MLST8: variants seen among roughly 807,000 people sequenced by gnomAD.
MLST8 encodes the protein MTOR associated protein MLST8.
A neutral mutation model predicts 41.3 loss-of-function variants in MLST8; 20 were observed. That is an observed-to-expected ratio of 0.48 (90% confidence interval 0.34 to 0.70). The LOEUF (loss-of-function observed/expected upper bound fraction) is 0.70, where lower values mean the gene tolerates loss of function less well. Among genes scored for constraint, MLST8 ranks in the 30% least tolerant of loss-of-function variants. The pLI is 0.01. For missense variants in MLST8, 422 were observed against 454.3 expected (o/e 0.93, Z 0.65); for synonymous variants, 243 against 183.0 (o/e 1.33, Z -2.65).
rs2093295570 is a variant in MLST8, at chr16:2,206,634, T to C, written c.319T>C (p.Cys107Arg). The change falls in exon 4 of 9, where the codon TGC (cysteine) becomes CGC (arginine). Residue 107 changes from cysteine (C) to arginine (R), a missense_variant. Physicochemically the swap from Cys to Arg is radical, Grantham distance 180. Transcript: ENST00000569417. ...CTGGATGTACACGGGCGGCGAGGAC[T>C]GCACAGCCAGGATCTGGGACCTCAG... is the stretch of plus-strand genomic sequence containing the variant. The part of the protein sequence containing the change: ...GRWMYTGGED[C>R]TARIWDLRSR... 6.2e-7 allele frequency: 1 copy of C among 1,608,722 alleles called. No individual in the cohort carries two copies. Among genetic ancestry groups the C allele is most frequent in the Non-Finnish European group, 8.5e-7 (1 of 1,177,846 alleles).
At chr16:2,205,553 G>A in intron 1 of MLST8, 41 bp downstream of exon 1, 1 of 471,900 alleles carries the variant, frequency 2.1e-6, no homozygotes. Context: ...CCGGCTGCTG[G>A]GTGGCTGGGA....
intron 4 of MLST8, 34 bp downstream of exon 4, chr16:2,206,693 G>C: frequency 6.2e-7 from 1 of 1,604,804 alleles, no homozygotes; most frequent in Non-Finnish European, 8.5e-7. Context: ...GCCCGGGGCT[G>C]GGGTGGGCTG....
Position 2,207,184 on chromosome 16 carries a change from G to T in MLST8, c.421-9G>T. ...GCTTGGGCCCTGCCTCACCACCCCT[G>T]CACCCCAGGCAGAGCTCATCGTGGG... On this transcript the variant is annotated splice_polypyrimidine_tract_variant and intron_variant, in intron 5 of 8. Transcript: ENST00000569417. 1 of 1,613,526 alleles carries T rather than the reference G, an allele frequency of 6.2e-7. No individual in the cohort carries two copies. The highest frequency in any genetic ancestry group is 8.5e-7 in the Non-Finnish European group (1 of 1,179,554).
Position 2,208,771 on chromosome 16 carries a change from A to T in MLST8, c.875A>T (p.Asn292Ile). ...TCTCCCCCTCCAGCTTCCTCGGACAACCTGGCCCGGCTCTGGTGTGTGGAG... is the reference window on the plus strand; with the variant it reads ...TCTCCCCCTCCAGCTTCCTCGGACATCCTGGCCCGGCTCTGGTGTGTGGAG... Reference protein sequence around the residue: ...SQYIVTASSDNLARLWCVETG... With the variant: ...SQYIVTASSDILARLWCVETG... Residue 292 changes from asparagine to isoleucine, a missense_variant, in exon 9 of 9, where the codon AAC (asparagine) becomes ATC (isoleucine). Transcript: ENST00000569417. The T allele has an allele frequency of 1.2e-6, 2 of 1,613,820 alleles. No individual in the cohort carries two copies. Among genetic ancestry groups the T allele is most frequent in the Non-Finnish European group, 1.7e-6 (2 of 1,179,874 alleles).
chr16:2,209,388 C>G lies in MLST8; in HGVS notation c.*511C>G. The G allele has an allele frequency of 6.2e-7, 1 of 1,613,650 alleles. No individual in the cohort carries two copies. On this transcript the variant is annotated 3_prime_UTR_variant, in exon 9 of 9. Coordinates refer to ENST00000569417, the MANE Select transcript of MLST8 (RefSeq NM_022372.6). ...CAGTCTGGGAGGTAATAAAAGCAGA[C>G]CGACACGCAGATGTTGCTCGGGAAG... is the stretch of plus-strand genomic sequence containing the variant.
chr16:2,208,642 C>G lies in MLST8; in HGVS notation c.862+29C>G, dbSNP rs201709912. 29 of 1,611,968 alleles carry G rather than the reference C, an allele frequency of 1.8e-5. No homozygotes were observed. In the Admixed American group the frequency reaches 1.8e-4, roughly 10 times the overall value. ...AGCCCCGCCCTGGCCTCCCCCATCC[C>G]TGGCCCCCGGCGCTGGCCTCCAGAG... On this transcript the variant is annotated intron_variant, in intron 8 of 8. Transcript: ENST00000569417.
rs1386821832 is a variant in MLST8, at chr16:2,207,209, G to C, written c.437G>C (p.Gly146Ala). The change falls in exon 6 of 9, where the codon GGT becomes GCT. Residue 146 changes from glycine (G) to alanine (A), a missense_variant. Coordinates refer to ENST00000569417, the MANE Select transcript of MLST8 (RefSeq NM_022372.6). ...GCACCCCAGGCAGAGCTCATCGTGGGTGACCAGAGCGGGGCTATCCACATC... is the reference window on the plus strand; with the variant it reads ...GCACCCCAGGCAGAGCTCATCGTGGCTGACCAGAGCGGGGCTATCCACATC... ...LHPNQAELIV[G>A]DQSGAIHIWD... 1 of 1,613,976 alleles carries C rather than the reference G, an allele frequency of 6.2e-7. No individual in the cohort carries two copies. Among genetic ancestry groups the C allele is most frequent in the Non-Finnish European group, 8.5e-7 (1 of 1,179,978 alleles).
At position 2,206,581 on chromosome 16, in the gene MLST8, C is replaced by A. The variant is rs202049268; in HGVS notation, c.266C>A (p.Ala89Glu). 3.7e-6 allele frequency: 6 copies of A among 1,614,034 alleles called. No homozygotes were observed. The highest frequency in any genetic ancestry group is 1.7e-5 in the Admixed American group (1 of 60,006). Reference protein sequence around the residue: ...ISYDGVNKNIASVGFHEDGRW... With the variant: ...ISYDGVNKNIESVGFHEDGRW... ...TACGACGGCGTCAACAAGAACATCG[C>A]GTCTGTGGGCTTCCACGAAGACGGC... The change falls in exon 4 of 9, where the codon GCG becomes GAG. Residue 89 changes from alanine (A) to glutamate (E), a missense_variant. Coordinates refer to ENST00000569417, the MANE Select transcript of MLST8 (RefSeq NM_022372.6).
rs1179434497 is a variant in MLST8, at chr16:2,208,168, C to T, written c.574-42C>T. ...GGGCATCCTTCCCTGTGTCTCAGAC[C>T]TGAGGCCTTGGGCCCTCCGTGACGG... is the stretch of plus-strand genomic sequence containing the variant. On this transcript the variant is annotated intron_variant, in intron 6 of 8. Transcript: ENST00000569417. 2.6e-6 allele frequency: 4 copies of T among 1,566,848 alleles called. No homozygotes were observed. The South Asian group carries it at 4.7e-5, about 18-fold the overall frequency.
chr16:2,209,184 C>T lies in MLST8; in HGVS notation c.*307C>T. The T allele has an allele frequency of 1.5e-6, 1 of 681,378 alleles. No homozygotes were observed. The highest frequency in any genetic ancestry group is 2.4e-6 in the Non-Finnish European group (1 of 408,430). 42.2% of individuals were successfully genotyped at this position (681,378 alleles called of 1,614,324 possible). A position where few individuals can be genotyped will look rare whatever the true frequency, so the allele number is the denominator to read the frequency against. ...TCTGAGGCTGGTGCCCACCCCCAAG[C>T]TAGTGTGTTCTCTGCCCCTCCCTGC... On this transcript the variant is annotated 3_prime_UTR_variant, in exon 9 of 9. Transcript: ENST00000569417.
intron 1 of MLST8, 139 bp from the exon 2 acceptor site, chr16:2,205,892 G>C (rs1486695882): frequency 7.2e-7 from 1 of 1,398,312 alleles, no homozygotes; most frequent in South Asian, 1.6e-5. Context: ...CGCGTGTGAC[G>C]CGTGTCCCTG....
At chr16:2,206,794 A>G in intron 4 of MLST8, 135 bp downstream of exon 4, 3 of 1,116,212 alleles carry the variant, frequency 2.7e-6, no homozygotes, top group Non-Finnish European at 4.0e-6. Flanking sequence ...AAGTGAGGAC[A>G]GGAGGAGAGT....
At chr16:2,206,303 C>CT in intron 2 of MLST8, 55 bp from the exon 3 acceptor site, 1 of 1,609,918 alleles carries the variant, frequency 6.2e-7, no homozygotes, top group South Asian at 1.1e-5. Context: ...TGGTGGAGGC[C>CT]TGGGGGGCCC....
In MLST8 at chr16:2,205,658, C is replaced by A. The variant is rs1156703250; in HGVS notation, c.-56+146C>A. 5.1e-6 allele frequency: 5 copies of A among 986,804 alleles called. No homozygotes were observed. The African/African-American group carries it at 8.7e-5, about 17-fold the overall frequency. The allele number at this position is 986,804 out of a possible 1,614,324, so 61.1% of individuals were successfully genotyped here. A position where few individuals can be genotyped will look rare whatever the true frequency, so the allele number is the denominator to read the frequency against. On this transcript the variant is annotated intron_variant, in intron 1 of 8. Coordinates refer to ENST00000569417, the MANE Select transcript of MLST8 (RefSeq NM_022372.6). ...GGGTCCAGCCAGACTGCGCCCTTTCCCATCAGGGCCTGCCGCTGGCCTGCT... is the reference window on the plus strand; with the variant it reads ...GGGTCCAGCCAGACTGCGCCCTTTCACATCAGGGCCTGCCGCTGGCCTGCT...
At chr16:2,206,816 G>T in intron 4 of MLST8, 157 bp downstream of exon 4, 1 of 1,032,624 alleles carries the variant, frequency 9.7e-7, no homozygotes, top group Non-Finnish European at 1.5e-6. Context: ...AATTGCATCA[G>T]AGCGCGAGTC....
rs888298458 is a variant in MLST8 at position 2,206,247 on chromosome 16, T to TG, written c.129+39dup. 10 of 1,600,186 alleles carry TG rather than the reference T, an allele frequency of 6.2e-6. No homozygotes were observed. The African/African-American group carries it at 1.1e-4, about 17-fold the overall frequency. ...CCACCCGGGGCGGGCAGGGCGGCGC[T>TG]GGGGGGATGCCTCGTGTGGGGACCA... On this transcript the variant is annotated intron_variant, in intron 2 of 8. Transcript: ENST00000569417.
rs747563856 is a variant in MLST8 at position 2,206,766 on chromosome 16, T to C, written c.344+107T>C. 31 of 1,324,726 alleles carry C rather than the reference T, an allele frequency of 2.3e-5. No individual in the cohort carries two copies. The African/African-American group carries it at 4.2e-4, about 18-fold the overall frequency. The allele number at this position is 1,324,726 out of a possible 1,614,324, so 82.1% of individuals were successfully genotyped here. On this transcript the variant is annotated intron_variant, in intron 4 of 8. Transcript: ENST00000569417. Reference sequence around the variant, plus strand: ...AGAGGCTGAGACAGGGAGCTTCCTGTGGGCGACTTACTGAGAGAAGTGAGG... The same window carrying C: ...AGAGGCTGAGACAGGGAGCTTCCTGCGGGCGACTTACTGAGAGAAGTGAGG...
chr16:2,206,528 C>T lies in MLST8; in HGVS notation c.213C>T (p.Asn71=), dbSNP rs1023032475. The change falls in exon 4 of 9, where the codon AAC becomes AAT. Residue 71 remains asparagine, a synonymous_variant. Coordinates refer to ENST00000569417, the MANE Select transcript of MLST8 (RefSeq NM_022372.6). ...AGCACATCCGCATGTATGATCTCAACTCCAATAACCCTAACCCCATCATCA... is the reference window on the plus strand; with the variant it reads ...AGCACATCCGCATGTATGATCTCAATTCCAATAACCCTAACCCCATCATCA... ...GYQHIRMYDL[N]SNNPNPIISY... 2 of 1,612,442 alleles carry T rather than the reference C, an allele frequency of 1.2e-6. No individual in the cohort carries two copies. Among genetic ancestry groups the T allele is most frequent in the African/African-American group, 2.7e-5 (2 of 75,012 alleles).
At chr16:2,206,773 C>G in intron 4 of MLST8, 114 bp downstream of exon 4, 1 of 1,266,298 alleles carries the variant, frequency 7.9e-7, no homozygotes, top group Middle Eastern at 1.8e-4. Flanking sequence ...CTGTGGGCGA[C>G]TTACTGAGAG....
Sources: gnomAD v4.1 joint callset for allele counts on GRCh38, gnomAD v4.1.1 for gene constraint, MANE v1.5 for transcripts, NCBI Gene and HGNC (gene_info 2026-07-23, HGNC 2026-07-21) for gene names.